The following AHCTF1 variants were observed in gnomAD, a reference collection of about 807,000 sequenced individuals.
AHCTF1 encodes the protein protein ELYS.
A neutral mutation model predicts 248.4 loss-of-function variants in AHCTF1; 24 were observed. The observed-to-expected ratio is 0.10, with a 90% CI of 0.07 to 0.14. The LOEUF (loss-of-function observed/expected upper bound fraction) is 0.14. Ranked by LOEUF, AHCTF1 falls within the 10% of genes least tolerant of loss-of-function variation. The probability of loss-of-function intolerance (pLI) is 1.00; values close to 1 mark genes in which losing one functional copy is unlikely to be tolerated. For synonymous variants in AHCTF1, 786 were observed against 929.8 expected (o/e 0.85, Z 2.81); for missense variants, 2,206 against 2,636.2 (o/e 0.84, Z 3.57).
intron 33 of AHCTF1, among the ~76,000 whole-genome samples, chr1:246,848,823 C>A (rs1660477105): frequency 6.7e-6 from 1 of 150,212 alleles, no homozygotes; most frequent in African/African-American, 2.5e-5. Flanking sequence ...GTGCTCCAGC[C>A]TGGGCGACAG....
intron 30 of AHCTF1, 30 bp downstream of exon 30, chr1:246,857,661 A>G (rs746166496): frequency 1.9e-6 from 3 of 1,574,764 alleles, no homozygotes; most frequent in African/African-American, 2.7e-5. Context: ...TTCTTTCTAA[A>G]AGTATTTGAA....
chr1:246,893,932 G>A (rs1450386109), intron 14 of AHCTF1, among the ~76,000 whole-genome samples: 1 of 152,260 alleles, frequency 6.6e-6, no homozygotes, highest in Admixed American at 6.5e-5. Context: ...GCTGGATGTA[G>A]TGGCTCACGC....
At chr1:246,849,182 T>C (rs929008638) in intron 33 of AHCTF1, among the ~76,000 whole-genome samples, 1 of 152,218 alleles carries the variant, frequency 6.6e-6, no homozygotes, top group Admixed American at 6.5e-5. Context: ...ATAGTGAATA[T>C]GGATTGAAAT....
intron 5 of AHCTF1, 73 bp from the exon 6 acceptor site, chr1:246,905,730 T>G: frequency 4.1e-6 from 5 of 1,210,396 alleles, no homozygotes; most frequent in Non-Finnish European, 5.9e-6. Flanking sequence ...ATGTAAGAAC[T>G]TGGGTTAGGC....
chr1:246,889,374 A>G (rs1664053353), intron 17 of AHCTF1, among the ~76,000 whole-genome samples: 1 of 152,190 alleles, frequency 6.6e-6, no homozygotes, highest in Non-Finnish European at 1.5e-5. Context: ...GATGTCCTGC[A>G]CATACTATTT....
chr1:246,912,469 G>A (rs1473806061), intron 4 of AHCTF1, among the ~76,000 whole-genome samples: 7 of 149,988 alleles, frequency 4.7e-5, no homozygotes, highest in East Asian at 3.9e-4. Context: ...GCAACAGAGC[G>A]AGACGCCGTC....
Position 246,894,641 on chromosome 1 carries a change from T to G in AHCTF1, c.1804+18A>C, listed in dbSNP as rs752692676. ...TTAATATTAAATTCTGTCCTACATC[T>G]AGACCTCTAATACTTACATAGTCTG... On this transcript the variant is annotated intron_variant, in intron 14 of 35. Transcript: ENST00000648844. The G allele has an allele frequency of 1.3e-6, 2 of 1,586,108 alleles. No individual in the cohort carries two copies. The highest frequency in any genetic ancestry group is 1.1e-5 in the South Asian group (1 of 90,244).
At chr1:246,861,921 T>TA (rs1254741822) in intron 28 of AHCTF1, 38 bp downstream of exon 28, 2 of 1,536,390 alleles carry the variant, frequency 1.3e-6, no homozygotes, top group African/African-American at 2.8e-5. Context: ...ACATTCTTAT[T>TA]AAAAAATGTC....
intron 33 of AHCTF1, among the ~76,000 whole-genome samples, chr1:246,846,081 G>A (rs372688283): frequency 6.7e-6 from 1 of 148,866 alleles, no homozygotes; most frequent in Non-Finnish European, 1.5e-5. Context: ...GGAATCAAAC[G>A]ATATATGAAT....
chr1:246,902,439 C>A, intron 8 of AHCTF1, 86 bp downstream of exon 8: 2 of 1,487,430 alleles, frequency 1.3e-6, no homozygotes, highest in Admixed American at 2.0e-5. Flanking sequence ...TTCTGAACTG[C>A]CAGGAGTATG....
At chr1:246,889,132 G>A (rs1459087305) in intron 17 of AHCTF1, among the ~76,000 whole-genome samples, 3 of 152,126 alleles carry the variant, frequency 2.0e-5, no homozygotes, top group African/African-American at 7.2e-5. Context: ...AAATAATGAA[G>A]TTCAAAGACA....
At chr1:246,865,689 T>C (rs1661921983) in intron 26 of AHCTF1, among the ~76,000 whole-genome samples, 1 of 152,208 alleles carries the variant, frequency 6.6e-6, no homozygotes, top group Admixed American at 6.5e-5. Flanking sequence ...AAGCAAGGAC[T>C]GTGCAACAAA....
intron 14 of AHCTF1, among the ~76,000 whole-genome samples, chr1:246,894,458 G>A (rs1327534754): frequency 4.6e-5 from 7 of 151,982 alleles, no homozygotes; most frequent in African/African-American, 9.7e-5. Context: ...GGAGAATGGC[G>A]TTTGAACCCG....
At chr1:246,855,469 G>A (rs1421186611) in intron 31 of AHCTF1, among the ~76,000 whole-genome samples, 4 of 152,086 alleles carry the variant, frequency 2.6e-5, no homozygotes, top group African/African-American at 9.7e-5. Context: ...AAGATCAAAC[G>A]GCAGGGATGC....
rs1046941059 is a variant in AHCTF1 at position 246,839,467 on chromosome 1, A to T, written c.*1339T>A. 6.7e-6 allele frequency: 6 copies of T among 891,832 alleles called. No homozygotes were observed. The highest frequency in any genetic ancestry group is 6.2e-5 in the Admixed American group (1 of 16,154). 55.2% of individuals were successfully genotyped at this position (891,832 alleles called of 1,614,324 possible). A position where few individuals can be genotyped will look rare whatever the true frequency, so the allele number is the denominator to read the frequency against. On this transcript the variant is annotated 3_prime_UTR_variant, in exon 36 of 36. Transcript: ENST00000648844. ...AAATACAAGTTTGATAACTATCATT[A>T]AAAAAGTAATAAAATCAAAGTCAGT... is the stretch of plus-strand genomic sequence containing the variant.
intron 4 of AHCTF1, 148 bp downstream of exon 4, chr1:246,913,084 G>T (rs1186146133): frequency 4.4e-6 from 3 of 682,936 alleles, no homozygotes; most frequent in South Asian, 2.8e-5. Context: ...CAATAAAAAA[G>T]ATTTTAAAAT....
At position 246,849,854 on chromosome 1, in the gene AHCTF1, T is replaced by C. The variant is rs1186691713; in HGVS notation, c.6152A>G (p.Lys2051Arg). 1.2e-6 allele frequency: 2 copies of C among 1,613,858 alleles called. No individual in the cohort carries two copies. Residue 2051 changes from lysine to arginine, a missense_variant, in exon 33 of 36, where the codon AAG becomes AGG. Coordinates refer to ENST00000648844, the MANE Select transcript of AHCTF1 (RefSeq NM_001323342.2). ...ACGTTTTTGGCTTTGACTTTCAGTC[T>C]TTTTTGTAAGTTTTTTCTTAGAGCT... is the stretch of plus-strand genomic sequence containing the variant. ...VMSSKKKLTK[K>R]TESQSQKRSL...
chr1:246,899,344 A>AAGCTGAAAC (rs1201927192), intron 11 of AHCTF1, 107 bp downstream of exon 11: 1 of 872,700 alleles, frequency 1.1e-6, no homozygotes, highest in African/African-American at 1.8e-5. Context: ...GCTACCATTT[A>AAGCTGAAAC]AGCTGAAACA....
At chr1:246,911,479 C>CTT (rs35320501) in intron 4 of AHCTF1, among the ~76,000 whole-genome samples, 1,047 of 99,428 alleles carry the variant, frequency 0.011, 16 homozygotes, top group African/African-American at 0.02. Context: ...TATGAAGATT[C>CTT]TTTTTTTTTT....
Sources: gnomAD v4.1 joint callset for allele counts (sites outside exome capture counted in the v4.1 genomes callset) on GRCh38, gnomAD v4.1.1 for gene constraint, MANE v1.5 for transcripts, NCBI Gene and HGNC (gene_info 2026-07-23, HGNC 2026-07-21) for gene names.